Variants in TTN observed in about 807,000 individuals in gnomAD.
TTN encodes titin.
In TTN, 1,525 loss-of-function variants were observed where a neutral mutation model predicts 3,223.0. The observed-to-expected ratio is 0.47, with a 90% CI of 0.45 to 0.49. The LOEUF is 0.49. TTN is among the 20% of genes least tolerant of loss of function. The probability of loss-of-function intolerance (pLI) is 0.00; values close to 1 mark genes in which losing one functional copy is unlikely to be tolerated. For synonymous variants in TTN, 14,094 were observed against 15,161.0 expected, an observed-to-expected ratio of 0.93 and a Z score of 5.17; for missense variants, 40,786 against 43,424.0, an observed-to-expected ratio of 0.94 and a Z score of 5.40.
chr2:178,667,424 G>C lies in TTN; in HGVS notation c.35713+18C>G, dbSNP rs774269935. On this transcript the variant is annotated intron_variant, in intron 161 of 362. Coordinates refer to ENST00000589042, the MANE Select transcript of TTN (RefSeq NM_001267550.2). ...AAGCTAAAGATACTCATCTGGGTTTGATGTATTTGAAATATACCTTTAGTT... is the reference window on the plus strand; with the variant it reads ...AAGCTAAAGATACTCATCTGGGTTTCATGTATTTGAAATATACCTTTAGTT... The C allele has an allele frequency of 6.3e-7, 1 of 1,590,502 alleles. No individual in the cohort carries two copies. Among genetic ancestry groups the C allele is most frequent in the Non-Finnish European group, 8.6e-7 (1 of 1,166,824 alleles).
Position 178,733,018 on chromosome 2 carries a change from C to T in TTN, c.16158G>A (p.Met5386Ile). 7.4e-6 allele frequency: 12 copies of T among 1,613,550 alleles called. No homozygotes were observed. The highest frequency in any genetic ancestry group is 9.3e-6 in the Non-Finnish European group (11 of 1,179,720). The change falls in exon 55 of 363, where the codon ATG becomes ATA. Residue 5386 changes from methionine to isoleucine, a missense_variant. Met to Ile is a conservative substitution (Grantham distance 10). Coordinates refer to ENST00000589042, the MANE Select transcript of TTN (RefSeq NM_001267550.2). Reference sequence around the variant, plus strand: ...TGCCATCCTTAAACCAGGACACCCTCATGGGGAGGGAGCCTGCAATTTTGC... The same window carrying T: ...TGCCATCCTTAAACCAGGACACCCTTATGGGGAGGGAGCCTGCAATTTTGC... Reference protein sequence around the residue: ...LDCKIAGSLPMRVSWFKDGKE... With the variant: ...LDCKIAGSLPIRVSWFKDGKE...
In TTN at chr2:178,702,084, A is replaced by AAT; in HGVS notation, c.30512-20_30512-19dup. 2 of 1,612,224 alleles carry AAT rather than the reference A, an allele frequency of 1.2e-6. No homozygotes were observed. The highest frequency in any genetic ancestry group is 1.7e-6 in the Non-Finnish European group (2 of 1,179,206). ...TTTGATTTCTGCAAAATAAAAAAAA[A>AAT]ATGATATTTTTGTGTTCAGAATGGT... On this transcript the variant is annotated intron_variant, in intron 108 of 362. Transcript: ENST00000589042.
At chr2:178,644,449 AT>A in intron 218 of TTN, 98 bp downstream of exon 218, 1 of 913,644 alleles carries the variant, frequency 1.1e-6, no homozygotes, top group Non-Finnish European at 1.6e-6. Flanking sequence ...CTCTCTGATC[AT>A]TGAAAAAGAG....
chr2:178,557,980 G>T lies in TTN; in HGVS notation c.87374C>A (p.Thr29125Lys), dbSNP rs762768301. Residue 29125 changes from threonine to lysine, a missense_variant, in exon 328 of 363, where the codon ACA becomes AAA. Transcript: ENST00000589042. ...AACAATGTTAATGAAAGCTTTGGTT[G>T]TACCACTGGAGTTGGCAGCAGTGAT... ...YEITAANSSG[T>K]TKAFINIVVL... 6.8e-6 allele frequency: 11 copies of T among 1,613,536 alleles called. No homozygotes were observed. The East Asian group carries it at 2.5e-4, about 36-fold the overall frequency.
intron 308 of TTN, 62 bp from the exon 309 acceptor site, chr2:178,585,409 G>C: frequency 6.7e-7 from 1 of 1,501,872 alleles, no homozygotes; most frequent in Non-Finnish European, 8.9e-7. Flanking sequence ...CTGGTGGAGA[G>C]CTATACTGGT....
In TTN at chr2:178,573,412, A is replaced by T. The variant is rs550285671; in HGVS notation, c.72720T>A (p.Val24240=). 199 of 1,520,530 alleles carry T rather than the reference A, an allele frequency of 1.3e-4. No individual in the cohort carries two copies. In the East Asian group the frequency reaches 4.5e-3, roughly 35 times the overall value. The allele number at this position is 1,520,530 out of a possible 1,614,324, so 94.2% of individuals were successfully genotyped here. ...CAGAATCAGGATGTCCCCAGCAGACAACCATCGAATCTTTAGTAATAGTTG... is the reference window on the plus strand; with the variant it reads ...CAGAATCAGGATGTCCCCAGCAGACTACCATCGAATCTTTAGTAATAGTTG... ...EVTTITKDSM[V]VCWGHPDSDG... The change falls in exon 326 of 363, where the codon GTT becomes GTA. Residue 24240 remains valine (V), a synonymous_variant. Coordinates refer to ENST00000589042, the MANE Select transcript of TTN (RefSeq NM_001267550.2).
intron 241 of TTN, 24 bp from the exon 242 acceptor site, chr2:178,624,755 C>G: frequency 2.5e-6 from 4 of 1,607,028 alleles, no homozygotes; most frequent in Non-Finnish European, 3.4e-6. Flanking sequence ...ACTCATTAGC[C>G]AAGGTACTCC....
At chr2:178,540,039 T>G (rs1269449827) in intron 351 of TTN, 29 bp downstream of exon 351, 2 of 1,595,300 alleles carry the variant, frequency 1.3e-6, no homozygotes, top group Non-Finnish European at 1.7e-6. Flanking sequence ...TGGCAATTAT[T>G]GCAGAAAGCA....
intron 28 of TTN, 41 bp from the exon 29 acceptor site, chr2:178,775,243 T>C (rs747700305): frequency 6.6e-5 from 106 of 1,612,916 alleles, no homozygotes; most frequent in Non-Finnish European, 8.9e-5. Context: ...GAGCACATTA[T>C]ATTAAATTAA....
rs374474093 is a variant in TTN, at chr2:178,547,180, C to T, written c.94345G>A (p.Glu31449Lys). ...KIIGYWVEKK[E>K]RNTILWVKEN... ...TTCACCCAAAGAATTGTATTACGTT[C>T]TTTCTTCTCAACCCAGTAGCCAATG... The change falls in exon 340 of 363, where the codon GAA (glutamate) becomes AAA (lysine). Residue 31449 changes from glutamate to lysine, a missense_variant. Physicochemically the swap from Glu to Lys is moderately conservative, Grantham distance 56 (BLOSUM62 1). Transcript: ENST00000589042. 6.2e-7 allele frequency: 1 copy of T among 1,613,812 alleles called. No homozygotes were observed. The highest frequency in any genetic ancestry group is 8.5e-7 in the Non-Finnish European group (1 of 1,179,774).
Position 178,565,384 on chromosome 2 carries a change from A to G in TTN, c.80748T>C (p.Asp26916=), listed in dbSNP as rs1255768360. ...RPRPNISWVK[D]GEPLKQTTRV... ...TTGTTGTCTGTTTAAGAGGCTCACC[A>G]TCTTTGACCCAAGAAATGTTAGGTC... Residue 26916 remains aspartate (D), a synonymous_variant, in exon 326 of 363, where the codon GAT becomes GAC. Coordinates refer to ENST00000589042, the MANE Select transcript of TTN (RefSeq NM_001267550.2). 6.2e-7 allele frequency: 1 copy of G among 1,613,580 alleles called. No individual in the cohort carries two copies. The highest frequency in any genetic ancestry group is 2.2e-5 in the East Asian group (1 of 44,846).
intron 234 of TTN, 56 bp downstream of exon 234, chr2:178,632,862 G>T: frequency 6.2e-7 from 1 of 1,611,390 alleles, no homozygotes; most frequent in Non-Finnish European, 8.5e-7. Flanking sequence ...ATGCAGGGGT[G>T]TATCAGGAAG....
rs774156360 is a variant in TTN, at chr2:178,727,787, T to A, written c.19791A>T (p.Leu6597=). ...TTATTTTAAATGGTGGTGTTCCTTT[T>A]AGTATTGCCTTAAATTCCACTGTAG... The part of the protein sequence containing the change: ...PDSTVEFKAI[L]KGTPPFKIKW... Residue 6597 remains leucine (L), a synonymous_variant, in exon 68 of 363, where the codon CTA becomes CTT. Transcript: ENST00000589042. 2.4e-5 allele frequency: 38 copies of A among 1,613,092 alleles called. No homozygotes were observed. The highest frequency in any genetic ancestry group is 3.2e-5 in the Non-Finnish European group (38 of 1,179,328).
chr2:178,740,178 G>T lies in TTN; in HGVS notation c.13055C>A (p.Pro4352His), dbSNP rs781502978. 1 of 1,613,476 alleles carries T rather than the reference G, an allele frequency of 6.2e-7. No homozygotes were observed. The highest frequency in any genetic ancestry group is 8.5e-7 in the Non-Finnish European group (1 of 1,179,724). ...KEEHSDNVVM[P>H]PDQIIESKRE... ...TTTAGACTCAATGATTTGGTCTGGGGGCATCACCACGTTGTCAGAATGCTC... is the reference window on the plus strand; with the variant it reads ...TTTAGACTCAATGATTTGGTCTGGGTGCATCACCACGTTGTCAGAATGCTC... Residue 4352 changes from proline (P) to histidine (H), a missense_variant, in exon 48 of 363, where the codon CCC becomes CAC. Coordinates refer to ENST00000589042, the MANE Select transcript of TTN (RefSeq NM_001267550.2).
Position 178,553,053 on chromosome 2 carries a change from T to C in TTN, c.89847A>G (p.Thr29949=). The change falls in exon 335 of 363, where the codon ACA becomes ACG. Residue 29949 remains threonine, a synonymous_variant. Coordinates refer to ENST00000589042, the MANE Select transcript of TTN (RefSeq NM_001267550.2). Reference sequence around the variant, plus strand: ...GAGGAGGATCCCAGAGCAAAGTGACTGTGCCTCGAGAAACATGTTTAACCT... The same window carrying C: ...GAGGAGGATCCCAGAGCAAAGTGACCGTGCCTCGAGAAACATGTTTAACCT... ...KLQVKHVSRG[T]VTLLWDPPLI... The C allele has an allele frequency of 6.2e-7, 1 of 1,612,506 alleles. No homozygotes were observed. The highest frequency in any genetic ancestry group is 8.5e-7 in the Non-Finnish European group (1 of 1,179,642).
intron 8 of TTN, among the ~76,000 whole-genome samples, 163 bp downstream of exon 8, chr2:178,794,236 C>T (rs1190362931): frequency 6.6e-6 from 1 of 152,206 alleles, no homozygotes; most frequent in African/African-American, 2.4e-5. Flanking sequence ...TCTCCGACCA[C>T]CTTTTGCTCA....
rs779764827 is a variant in TTN, at chr2:178,710,629, C to A, written c.28462+6G>T. 6.3e-7 allele frequency: 1 copy of A among 1,595,106 alleles called. No individual in the cohort carries two copies. The highest frequency in any genetic ancestry group is 8.6e-7 in the Non-Finnish European group (1 of 1,167,188). On this transcript the variant is annotated splice_donor_region_variant and intron_variant, in intron 98 of 362. Coordinates refer to ENST00000589042, the MANE Select transcript of TTN (RefSeq NM_001267550.2). ...TTTGTTGGACCACTTGCAAAATAAA[C>A]GATACCTTTTATATTCAGCTGAGCT... is the stretch of plus-strand genomic sequence containing the variant.
Position 178,768,944 on chromosome 2 carries a change from G to A in TTN, c.8903-11C>T, listed in dbSNP as rs1319818470. 5.0e-6 allele frequency: 8 copies of A among 1,612,854 alleles called. 1 individual carries two copies. In the South Asian group the frequency reaches 6.6e-5, roughly 13 times the overall value. On this transcript the variant is annotated splice_polypyrimidine_tract_variant and intron_variant, in intron 37 of 362. Coordinates refer to ENST00000589042, the MANE Select transcript of TTN (RefSeq NM_001267550.2). ...AAGTAATCATGATTGCTGCAAAGGA[G>A]AAAAGAAAAAACACCCAAGGAGACT...
At position 178,609,791 on chromosome 2, in the gene TTN, C is replaced by T. The variant is rs1447802224; in HGVS notation, c.51632G>A (p.Gly17211Glu). ...LVPILTYTAK[G>E]LEEGKEYQFR... ...TTGGTACTCTTTCCCCTCTTCAAGT[C>T]CTTTTGCTGTATAGGTCAGGATTGG... The change falls in exon 272 of 363, where the codon GGA becomes GAA. Residue 17211 changes from glycine (G) to glutamate (E), a missense_variant. Coordinates refer to ENST00000589042, the MANE Select transcript of TTN (RefSeq NM_001267550.2). The T allele has an allele frequency of 1.2e-6, 2 of 1,612,888 alleles. No homozygotes were observed. Among genetic ancestry groups the T allele is most frequent in the Non-Finnish European group, 1.7e-6 (2 of 1,179,206 alleles).
Sources: allele counts gnomAD v4.1 joint callset (sites outside exome capture counted in the v4.1 genomes callset), GRCh38; gene constraint gnomAD v4.1.1; transcripts MANE v1.5; gene names NCBI Gene and HGNC (gene_info 2026-07-23, HGNC 2026-07-21).